PCMTD2: variants seen among roughly 807,000 people sequenced by gnomAD.
PCMTD2 encodes protein-L-isoaspartate (D-aspartate) O-methyltransferase domain containing 2.
In PCMTD2, 16 loss-of-function variants were observed where a neutral mutation model predicts 33.4. That is an observed-to-expected ratio of 0.48 (90% CI 0.32 to 0.73). PCMTD2 has a LOEUF of 0.73. Among genes scored for constraint, PCMTD2 ranks in the 30% least tolerant of loss-of-function variants. The pLI, the probability that PCMTD2 is intolerant of heterozygous loss-of-function variation, is 0.03. For missense variants in PCMTD2, 374 were observed against 449.9 expected, an observed-to-expected ratio of 0.83 and a Z score of 1.53; for synonymous variants, 161 against 160.8, an observed-to-expected ratio of 1.00 and a Z score of -0.01.
chr20:64,261,417 G>A (rs1217468747), intron 2 of PCMTD2, among the ~76,000 whole-genome samples: 1 of 152,082 alleles, frequency 6.6e-6, no homozygotes, highest in African/African-American at 2.4e-5. Context: ...TGAAAGAAAC[G>A]TCAGGAATGT....
At chr20:64,265,562 G>A in intron 4 of PCMTD2, 133 bp downstream of exon 4, 1 of 698,104 alleles carries the variant, frequency 1.4e-6, no homozygotes. Context: ...GGACAGGTGA[G>A]GGAGATGCAG....
rs1986018212 is a variant in PCMTD2, at chr20:64,274,016, G to A, written c.*416G>A. The A allele has an allele frequency of 6.3e-6, 1 of 158,290 alleles. No homozygotes were observed. The highest frequency in any genetic ancestry group is 2.0e-4 in the South Asian group (1 of 4,908). 9.8% of individuals were successfully genotyped at this position (158,290 alleles called of 1,614,324 possible). ...CCTGTGTTGCTTATAAAGTGTGAAAGCACAAGCTTATAAATGTATAAAATC... is the reference window on the plus strand; with the variant it reads ...CCTGTGTTGCTTATAAAGTGTGAAAACACAAGCTTATAAATGTATAAAATC... On this transcript the variant is annotated 3_prime_UTR_variant, in exon 6 of 6. Coordinates refer to ENST00000308824, the MANE Select transcript of PCMTD2 (RefSeq NM_018257.3).
chr20:64,272,070 AAGG>A, intron 5 of PCMTD2: 1 of 401,654 alleles, frequency 2.5e-6, no homozygotes, highest in South Asian at 1.8e-5. Flanking sequence ...GTCCTGGAGA[AAGG>A]AGAAGGGACC....
At chr20:64,265,232 T>A (rs893879851) in intron 3 of PCMTD2, 26 bp from the exon 4 acceptor site, 1 of 1,565,506 alleles carries the variant, frequency 6.4e-7, no homozygotes, top group Non-Finnish European at 8.7e-7. Context: ...ATACTTTTAG[T>A]TGCAGGAAGC....
At chr20:64,267,158 C>A (rs779590216) in intron 4 of PCMTD2, among the ~76,000 whole-genome samples, 43 of 152,280 alleles carry the variant, frequency 2.8e-4, no homozygotes, top group Middle Eastern at 3.4e-3. Context: ...TGGAGACTGA[C>A]CCAGCCACAC....
chr20:64,269,397 G>C (rs559868362), intron 5 of PCMTD2, among the ~76,000 whole-genome samples: 2 of 152,322 alleles, frequency 1.3e-5, no homozygotes, highest in South Asian at 4.1e-4. Flanking sequence ...TCTGGCCGAT[G>C]AAGAATCATG....
chr20:64,269,862 G>GC (rs559791975), intron 5 of PCMTD2, among the ~76,000 whole-genome samples: 50 of 150,042 alleles, frequency 3.3e-4, no homozygotes, highest in African/African-American at 1.2e-3. Context: ...CGTGTGGGGG[G>GC]TGTGGGCGTG....
chr20:64,269,412 T>C (rs1985793283), intron 5 of PCMTD2, among the ~76,000 whole-genome samples: 1 of 152,084 alleles, frequency 6.6e-6, no homozygotes, highest in Admixed American at 6.6e-5. Flanking sequence ...ATCATGACAA[T>C]GTGGTGGGCA....
intron 2 of PCMTD2, among the ~76,000 whole-genome samples, chr20:64,261,751 C>T (rs1471490722): frequency 6.6e-6 from 1 of 152,094 alleles, no homozygotes; most frequent in African/African-American, 2.4e-5. Context: ...TCAATTGAGA[C>T]TGTTGTGATC....
At chr20:64,265,029 G>C (rs1330029942) in intron 3 of PCMTD2, among the ~76,000 whole-genome samples, 1 of 152,162 alleles carries the variant, frequency 6.6e-6, no homozygotes, top group Non-Finnish European at 1.5e-5. Context: ...TAAAACTTTT[G>C]ATATTCACTT....
rs530166198 is a variant in PCMTD2 at position 64,255,875 on chromosome 20, A to AGCC, written c.-25+24_-25+26dup. 323 of 143,202 alleles carry AGCC rather than the reference A, an allele frequency of 2.3e-3. 3 individuals are homozygous for AGCC. Among genetic ancestry groups the AGCC allele is most frequent in the African/African-American group, 7.6e-3 (299 of 39,168 alleles). 8.9% of individuals were successfully genotyped at this position (143,202 alleles called of 1,614,324 possible). Reference sequence around the variant, plus strand: ...GTCGGCCGGCCGAGCCTGGAGGTAGAGCCGCCGCCGCCGCCGCCGCCCCTC... The same window carrying AGCC: ...GTCGGCCGGCCGAGCCTGGAGGTAGAGCCGCCGCCGCCGCCGCCGCCGCCCCTC... On this transcript the variant is annotated splice_donor_region_variant and intron_variant, in intron 1 of 5. Coordinates refer to ENST00000308824, the MANE Select transcript of PCMTD2 (RefSeq NM_018257.3).
At chr20:64,261,439 G>A (rs1176126385) in intron 2 of PCMTD2, among the ~76,000 whole-genome samples, 3 of 152,322 alleles carry the variant, frequency 2.0e-5, no homozygotes, top group African/African-American at 7.2e-5. Context: ...GCTTGGCTTG[G>A]TGGTTCATGC....
chr20:64,272,146 C>T (rs1009536191), intron 5 of PCMTD2: 11 of 371,996 alleles, frequency 3.0e-5, no homozygotes, highest in Admixed American at 1.9e-4. Context: ...TTACTCACTA[C>T]CAGGGGCCTG....
At chr20:64,266,290 C>T (rs1985653951) in intron 4 of PCMTD2, among the ~76,000 whole-genome samples, 1 of 152,138 alleles carries the variant, frequency 6.6e-6, no homozygotes, top group Admixed American at 6.6e-5. Flanking sequence ...CAGAGTCTCG[C>T]TCTGTCGCCC....
rs1162492139 is a variant in PCMTD2, at chr20:64,272,085, C to T, written c.707-1136C>T. ...GTCCTGGAGAAAGGAGAAGGGACCT[C>T]TTGTCTGTGGAGTCAGAAAAGCAGG... On this transcript the variant is annotated intron_variant, in intron 5 of 5. Transcript: ENST00000308824. 4 of 420,648 alleles carry T rather than the reference C, an allele frequency of 9.5e-6. 1 individual carries two copies. Among genetic ancestry groups the T allele is most frequent in the Non-Finnish European group, 9.6e-6 (2 of 209,128 alleles). 26.1% of individuals were successfully genotyped at this position (420,648 alleles called of 1,614,324 possible).
At chr20:64,259,894 C>A in intron 1 of PCMTD2, 48 bp from the exon 2 acceptor site, 1 of 903,482 alleles carries the variant, frequency 1.1e-6, no homozygotes, top group Non-Finnish European at 1.8e-6. Context: ...TATTGTTCTG[C>A]TCTTACCTTT....
Position 64,268,141 on chromosome 20 carries a change from TTC to T in PCMTD2, c.706+133_706+134del, listed in dbSNP as rs1180968465. The T allele has an allele frequency of 1.0e-3, 421 of 410,174 alleles. 2 individuals carry two copies. Among genetic ancestry groups the T allele is most frequent in the African/African-American group, 9.4e-3 (374 of 39,662 alleles). 25.4% of individuals were successfully genotyped at this position (410,174 alleles called of 1,614,324 possible). On this transcript the variant is annotated intron_variant, in intron 5 of 5. Coordinates refer to ENST00000308824, the MANE Select transcript of PCMTD2 (RefSeq NM_018257.3). ...CCACTCCCATGCTGAAACTGTAAAA[TTC>T]TACAAGCAATTTCAGGCATTATAAA...
rs980632115 is a variant in PCMTD2 at position 64,274,433 on chromosome 20, C to G, written c.*833C>G. ...AGCAATAAGTGAAGTTACATTTGCC[C>G]TAACCCTAGGGATGATTCTTTACCC... is the stretch of plus-strand genomic sequence containing the variant. On this transcript the variant is annotated 3_prime_UTR_variant, in exon 6 of 6. Transcript: ENST00000308824. The G allele has an allele frequency of 2.6e-5, 4 of 151,966 alleles. No homozygotes were observed. The highest frequency in any genetic ancestry group is 7.3e-5 in the African/African-American group (3 of 41,340). 9.4% of individuals were successfully genotyped at this position (151,966 alleles called of 1,614,324 possible). A position where few individuals can be genotyped will look rare whatever the true frequency, so the allele number is the denominator to read the frequency against.
rs115849267 is a variant in PCMTD2, at chr20:64,264,662, C to T, written c.410+131C>T. 4.7e-3 allele frequency: 2,878 copies of T among 610,624 alleles called. 58 individuals carry two copies. In the African/African-American group the frequency reaches 0.047, roughly 10 times the overall value. The allele number at this position is 610,624 out of a possible 1,614,324, so 37.8% of individuals were successfully genotyped here. Reference sequence around the variant, plus strand: ...GGTGGGATGATTCTATGTGCCTGTTCTAATTTTCAGAAAAGATTCTGTGTT... The same window carrying T: ...GGTGGGATGATTCTATGTGCCTGTTTTAATTTTCAGAAAAGATTCTGTGTT... On this transcript the variant is annotated intron_variant, in intron 3 of 5. Coordinates refer to ENST00000308824, the MANE Select transcript of PCMTD2 (RefSeq NM_018257.3).
Sources: gnomAD v4.1 joint callset for allele counts (sites outside exome capture counted in the v4.1 genomes callset) on GRCh38, gnomAD v4.1.1 for gene constraint, MANE v1.5 for transcripts, NCBI Gene and HGNC (gene_info 2026-07-23, HGNC 2026-07-21) for gene names.